The following ADCY2 variants were observed in gnomAD, a reference collection of about 807,000 sequenced individuals.
The protein encoded by ADCY2 is adenylate cyclase type 2.
A neutral mutation model predicts 125.2 loss-of-function variants in ADCY2; 31 were observed. The observed-to-expected ratio is 0.25, with a 90% CI of 0.19 to 0.33. The LOEUF (loss-of-function observed/expected upper bound fraction) is 0.33, where lower values mean the gene tolerates loss of function less well. Ranked by LOEUF, ADCY2 falls within the 10% of genes least tolerant of loss-of-function variation. The probability of loss-of-function intolerance (pLI) is 1.00; values close to 1 mark genes in which losing one functional copy is unlikely to be tolerated. For synonymous variants in ADCY2, 512 were observed against 548.4 expected (o/e 0.93, Z 0.93); for missense variants, 904 against 1,418.2 (o/e 0.64, Z 5.82).
rs558040538 is a variant in ADCY2, at chr5:7,586,182, G to A, written c.571-39985G>A. The stretch of plus-strand genomic sequence containing the variant: ...TAAGATTATCACTATATTTAGAAAG[G>A]GAAAGTAATGTACTTGTTTTATTTA... On this transcript the variant is annotated intron_variant, in intron 3 of 24. Coordinates refer to ENST00000338316, the MANE Select transcript of ADCY2 (RefSeq NM_020546.3). Among the ~76,000 whole-genome samples the A allele has an allele frequency of 3.3e-5, 5 of 152,216 alleles. No individual in the cohort carries two copies. The East Asian group carries it at 5.8e-4, about 18-fold the overall frequency.
At chr5:7,564,535 G>A (rs988633274) in intron 3 of ADCY2, among the ~76,000 whole-genome samples, 13 of 152,090 alleles carry the variant, frequency 8.5e-5, no homozygotes, top group Non-Finnish European at 1.3e-4. Context: ...CCCAGCTGGC[G>A]GGTATTAAAA....
At chr5:7,813,398 T>A (rs1745003216) in intron 22 of ADCY2, among the ~76,000 whole-genome samples, 1 of 152,206 alleles carries the variant, frequency 6.6e-6, no homozygotes, top group African/African-American at 2.4e-5. Context: ...TATAAAATCA[T>A]CTTGGTAAAC....
intron 22 of ADCY2, among the ~76,000 whole-genome samples, chr5:7,813,980 T>G (rs932427041): frequency 6.6e-6 from 1 of 151,802 alleles, no homozygotes; most frequent in Non-Finnish European, 1.5e-5. Context: ...TCCAACTGAC[T>G]GCACAAGCCT....
intron 22 of ADCY2, among the ~76,000 whole-genome samples, chr5:7,811,234 G>C (rs2126531533): frequency 6.6e-6 from 1 of 152,306 alleles, no homozygotes; most frequent in South Asian, 2.1e-4. Context: ...CGGGCGCAGT[G>C]GCTCACGCCT....
intron 14 of ADCY2, among the ~76,000 whole-genome samples, chr5:7,742,411 AC>A (rs1188515302): frequency 6.6e-6 from 1 of 152,180 alleles, no homozygotes; most frequent in Non-Finnish European, 1.5e-5. Flanking sequence ...TCTTATCATC[AC>A]TTGTAAAATC....
chr5:7,413,760 G>A (rs1332327550), intron 1 of ADCY2, among the ~76,000 whole-genome samples: 1 of 152,174 alleles, frequency 6.6e-6, no homozygotes, highest in Admixed American at 6.5e-5. Context: ...GCCCAGGCTT[G>A]TGTAATCAAA....
chr5:7,762,710 T>C (rs1740760529), intron 16 of ADCY2, among the ~76,000 whole-genome samples: 1 of 147,420 alleles, frequency 6.8e-6, no homozygotes, highest in African/African-American at 2.5e-5. Context: ...GTACAGCTTT[T>C]CATGTTTTTC....
chr5:7,619,245 C>T (rs1224449425), intron 3 of ADCY2, among the ~76,000 whole-genome samples: 1 of 152,180 alleles, frequency 6.6e-6, no homozygotes, highest in Non-Finnish European at 1.5e-5. Context: ...TTTCGGCTGT[C>T]TGGACAGAGA....
chr5:7,542,033 GTGATCA>G (rs1019922923), intron 3 of ADCY2, among the ~76,000 whole-genome samples: 2 of 152,116 alleles, frequency 1.3e-5, no homozygotes, highest in African/African-American at 4.8e-5. Flanking sequence ...CCTGACTCAT[GTGATCA>G]TCCACACTCT....
In ADCY2 at chr5:7,772,963, T is replaced by C; in HGVS notation, c.2246T>C (p.Ile749Thr). ...YFIYSCILGL[I>T]SCSVFLRVNY... ...ATCTACAGCTGCATTCTGGGACTGATATCCTGTTCCGTGTTCCTGCGGGTA... is the reference window on the plus strand; with the variant it reads ...ATCTACAGCTGCATTCTGGGACTGACATCCTGTTCCGTGTTCCTGCGGGTA... The change falls in exon 18 of 25, where the codon ATA (isoleucine) becomes ACA (threonine). Residue 749 changes from isoleucine (I) to threonine (T), a missense_variant. Ile to Thr is a moderately conservative substitution (Grantham distance 89). Coordinates refer to ENST00000338316, the MANE Select transcript of ADCY2 (RefSeq NM_020546.3). 6.2e-7 allele frequency: 1 copy of C among 1,614,186 alleles called. No homozygotes were observed. The highest frequency in any genetic ancestry group is 1.1e-5 in the South Asian group (1 of 91,072).
intron 10 of ADCY2, among the ~76,000 whole-genome samples, chr5:7,710,072 CT>C (rs1741392931): frequency 6.6e-6 from 1 of 152,118 alleles, no homozygotes; most frequent in Non-Finnish European, 1.5e-5. Flanking sequence ...GCAGTTACAG[CT>C]TTTTAAAAAT....
intron 3 of ADCY2, among the ~76,000 whole-genome samples, chr5:7,606,089 G>T (rs932515327): frequency 8.3e-4 from 125 of 151,036 alleles, no homozygotes; most frequent in Middle Eastern, 6.8e-3. Flanking sequence ...TTTGTCTTTG[G>T]CTCTGTTTAT....
chr5:7,469,664 C>T (rs1034670794), intron 2 of ADCY2, among the ~76,000 whole-genome samples: 6 of 151,550 alleles, frequency 4.0e-5, no homozygotes, highest in African/African-American at 1.5e-4. Flanking sequence ...CAAATCCTTT[C>T]TTATTATTCT....
chr5:7,402,569 CTGA>C (rs1457313575), intron 1 of ADCY2, among the ~76,000 whole-genome samples: 4 of 152,158 alleles, frequency 2.6e-5, no homozygotes, highest in Admixed American at 2.0e-4. Context: ...AGCTAGTTTT[CTGA>C]CTCTGCCTAG....
chr5:7,535,880 G>A (rs62341513), intron 3 of ADCY2, among the ~76,000 whole-genome samples: 39,492 of 152,034 alleles, frequency 0.26, 5,844 homozygotes, highest in East Asian at 0.41. Context: ...AGCAGCCCCC[G>A]CGATGTTTGT....
chr5:7,793,234 G>T (rs1210670671), intron 20 of ADCY2, among the ~76,000 whole-genome samples: 1 of 152,172 alleles, frequency 6.6e-6, no homozygotes, highest in Non-Finnish European at 1.5e-5. Context: ...GGATCATGAG[G>T]TCAGGAGTTC....
intron 4 of ADCY2, among the ~76,000 whole-genome samples, chr5:7,686,202 T>C (rs1740514176): frequency 6.6e-6 from 1 of 152,206 alleles, no homozygotes; most frequent in Admixed American, 6.5e-5. Context: ...TCTTCTTTGC[T>C]TCAATTGGAT....
chr5:7,539,585 C>A (rs1366157738), intron 3 of ADCY2, among the ~76,000 whole-genome samples: 1 of 152,226 alleles, frequency 6.6e-6, no homozygotes, highest in African/African-American at 2.4e-5. Flanking sequence ...AATCACTCAA[C>A]TGTGAAGTTG....
intron 3 of ADCY2, among the ~76,000 whole-genome samples, chr5:7,625,765 C>G (rs188717833): frequency 3.9e-5 from 6 of 152,302 alleles, no homozygotes; most frequent in Admixed American, 3.9e-4. Flanking sequence ...TGTCTCTCAT[C>G]CTGGGACTGG....
Sources: allele counts gnomAD v4.1 joint callset (sites outside exome capture counted in the v4.1 genomes callset), GRCh38; gene constraint gnomAD v4.1.1; transcripts MANE v1.5; gene names NCBI Gene and HGNC (gene_info 2026-07-23, HGNC 2026-07-21).